The following CTNNA3 variants were observed in gnomAD, a reference collection of about 807,000 sequenced individuals.
CTNNA3 encodes catenin alpha 3.
CTNNA3 carries 76 observed loss-of-function variants against 95.7 expected under a neutral mutation model. The observed-to-expected ratio is 0.79, with a 90% confidence interval of 0.66 to 0.96. The LOEUF (loss-of-function observed/expected upper bound fraction) is 0.96. CTNNA3 is among the 40% of genes least tolerant of loss of function. CTNNA3 has a pLI of 0.00. For synonymous variants in CTNNA3, 431 were observed against 374.4 expected (o/e 1.15, Z -1.74); for missense variants, 1,191 against 1,089.8 (o/e 1.09, Z -1.31).
chr10:67,373,499 G>T (rs933168509), intron 5 of CTNNA3, among the ~76,000 whole-genome samples: 1 of 152,164 alleles, frequency 6.6e-6, no homozygotes, highest in Non-Finnish European at 1.5e-5. Flanking sequence ...CGTACAAAGA[G>T]ACTTAGACTC....
rs74141778 is a variant in CTNNA3 at position 67,056,017 on chromosome 10, T to A, written c.1047+124300A>T. On this transcript the variant is annotated intron_variant, in intron 7 of 17. Coordinates refer to ENST00000433211, the MANE Select transcript of CTNNA3 (RefSeq NM_013266.4). ...TCACCTCTTATGTTCTTTTGCCACA[T>A]GTAATATATGTATATTATATTGTTG... Among the ~76,000 whole-genome samples, 37 of 152,228 alleles carry A rather than the reference T, an allele frequency of 2.4e-4. No individual in the cohort carries two copies. In the East Asian group the frequency reaches 6.9e-3, roughly 29 times the overall value.
At chr10:67,516,938 C>T (rs1839836016) in intron 5 of CTNNA3, among the ~76,000 whole-genome samples, 1 of 152,174 alleles carries the variant, frequency 6.6e-6, no homozygotes. Flanking sequence ...GGATTTCCTT[C>T]CTTTTTAAGG....
intron 10 of CTNNA3, among the ~76,000 whole-genome samples, chr10:66,523,102 T>C (rs1033353556): frequency 1.3e-5 from 2 of 152,326 alleles, no homozygotes; most frequent in East Asian, 3.9e-4. Flanking sequence ...GCAGTATGCC[T>C]TGACTTCAGT....
intron 12 of CTNNA3, among the ~76,000 whole-genome samples, chr10:66,336,797 T>G (rs1362160371): frequency 1.3e-5 from 2 of 152,234 alleles, no homozygotes; most frequent in African/African-American, 4.8e-5. Flanking sequence ...ATAGCTCTTA[T>G]AGCAATGCTT....
intron 13 of CTNNA3, among the ~76,000 whole-genome samples, chr10:66,210,069 C>T (rs561463960): frequency 1.3e-5 from 2 of 152,060 alleles, no homozygotes; most frequent in South Asian, 4.2e-4. Context: ...TAAGAAAATG[C>T]ATCGAACACA....
At chr10:67,656,521 TAATA>T (rs997012967) in intron 1 of CTNNA3, among the ~76,000 whole-genome samples, 2 of 152,118 alleles carry the variant, frequency 1.3e-5, no homozygotes, top group African/African-American at 4.8e-5. Flanking sequence ...ACAATAAAGA[TAATA>T]AATAGTAAAT....
chr10:66,137,288 T>G (rs1409691575), intron 13 of CTNNA3, among the ~76,000 whole-genome samples: 1 of 152,118 alleles, frequency 6.6e-6, no homozygotes, highest in Non-Finnish European at 1.5e-5. Flanking sequence ...ATTTAATCTT[T>G]TAATTATAAG....
intron 7 of CTNNA3, among the ~76,000 whole-genome samples, chr10:66,806,523 C>A (rs953466626): frequency 1.8e-4 from 28 of 151,920 alleles, no homozygotes; most frequent in African/African-American, 6.5e-4. Flanking sequence ...ATTGTTTTGG[C>A]TTACTTACCA....
intron 3 of CTNNA3, among the ~76,000 whole-genome samples, chr10:67,557,913 A>G (rs748776416): frequency 6.6e-6 from 1 of 152,200 alleles, no homozygotes; most frequent in Non-Finnish European, 1.5e-5. Context: ...CCCTAAAAGA[A>G]CAAATGCTTC....
chr10:67,335,893 T>G lies in CTNNA3; in HGVS notation c.580-116023A>C, dbSNP rs190363579. ...TGGCACCTCACAAATAGTGTTTTTT[T>G]TTTTTTTTACAAATTGAAGGTTTGT... On this transcript the variant is annotated intron_variant, in intron 5 of 17. Transcript: ENST00000433211. 2.8e-4 allele frequency among the ~76,000 whole-genome samples: 42 copies of G among 152,254 alleles called. 1 individual carries two copies. Among genetic ancestry groups the G allele is most frequent in the African/African-American group, 9.1e-4 (38 of 41,558 alleles).
intron 10 of CTNNA3, among the ~76,000 whole-genome samples, chr10:66,583,013 T>C (rs1432970855): frequency 1.3e-5 from 2 of 151,996 alleles, no homozygotes; most frequent in Admixed American, 1.3e-4. Context: ...GGATTATTTT[T>C]TTGATGCGCT....
chr10:66,308,620 C>T (rs2091962703), intron 12 of CTNNA3, among the ~76,000 whole-genome samples: 1 of 152,066 alleles, frequency 6.6e-6, no homozygotes, highest in Admixed American at 6.5e-5. Context: ...TCCAGTAGTA[C>T]AAAATGTTTC....
At chr10:67,009,669 T>C (rs1852206102) in intron 7 of CTNNA3, among the ~76,000 whole-genome samples, 2 of 152,166 alleles carry the variant, frequency 1.3e-5, no homozygotes, top group African/African-American at 2.4e-5. Context: ...TGTTATTATC[T>C]CTTTAGTCTC....
intron 3 of CTNNA3, among the ~76,000 whole-genome samples, chr10:67,557,804 C>T (rs926625299): frequency 6.6e-6 from 1 of 152,180 alleles, no homozygotes; most frequent in South Asian, 2.1e-4. Context: ...TCTAATGCCA[C>T]CATAGCTCTA....
chr10:66,777,246 C>T (rs1385274284), intron 7 of CTNNA3, among the ~76,000 whole-genome samples: 3 of 152,042 alleles, frequency 2.0e-5, no homozygotes, highest in African/African-American at 4.8e-5. Context: ...CCAAATCTGG[C>T]GCACTGTGAC....
intron 12 of CTNNA3, among the ~76,000 whole-genome samples, chr10:66,372,475 T>C (rs1157901612): frequency 6.6e-6 from 1 of 152,130 alleles, no homozygotes; most frequent in Non-Finnish European, 1.5e-5. Flanking sequence ...CCACACAGCA[T>C]GTTCCCATTC....
intron 17 of CTNNA3, among the ~76,000 whole-genome samples, chr10:65,935,062 T>C (rs1391934601): frequency 6.6e-6 from 1 of 152,082 alleles, no homozygotes; most frequent in African/African-American, 2.4e-5. Context: ...TGATAAGACA[T>C]GTACAAGCCA....
chr10:67,281,187 A>G (rs1839388286), intron 5 of CTNNA3, among the ~76,000 whole-genome samples: 1 of 152,208 alleles, frequency 6.6e-6, no homozygotes. Flanking sequence ...AAATGATTTA[A>G]TCAAATAGCA....
Position 67,610,707 on chromosome 10 carries a change from C to T in CTNNA3, c.100-3658G>A, listed in dbSNP as rs138899033. On this transcript the variant is annotated intron_variant, in intron 2 of 17. Coordinates refer to ENST00000433211, the MANE Select transcript of CTNNA3 (RefSeq NM_013266.4). ...TTTCAAGTTATCCTGTAAAATAAAT[C>T]CTGTGTCCTCATTTTCTTTTTCAGT... Among the ~76,000 whole-genome samples the T allele has an allele frequency of 3.3e-3, 501 of 152,308 alleles. 4 individuals are homozygous for T. The highest frequency in any genetic ancestry group is 0.011 in the African/African-American group (468 of 41,554).
Sources: gnomAD v4.1 joint callset for allele counts (sites outside exome capture counted in the v4.1 genomes callset) on GRCh38, gnomAD v4.1.1 for gene constraint, MANE v1.5 for transcripts, NCBI Gene and HGNC (gene_info 2026-07-23, HGNC 2026-07-21) for gene names.